Variants in EEFSEC observed in about 807,000 individuals in gnomAD.
The protein encoded by EEFSEC is eukaryotic elongation factor, selenocysteine-tRNA specific, also known as selenocysteine-specific elongation factor.
In EEFSEC, 43 loss-of-function variants were observed where a neutral mutation model predicts 42.1. That is an observed-to-expected ratio of 1.02 (90% CI 0.80 to 1.32). The LOEUF is 1.32. Among genes scored for constraint, EEFSEC ranks in the 40% most tolerant of loss-of-function variants. The pLI is 0.00. For missense variants in EEFSEC, 745 were observed against 803.6 expected, an observed-to-expected ratio of 0.93 and a Z score of 0.88; for synonymous variants, 354 against 339.1, an observed-to-expected ratio of 1.04 and a Z score of -0.48.
intron 6 of EEFSEC, among the ~76,000 whole-genome samples, chr3:128,375,788 G>A (rs544897670): frequency 6.6e-6 from 1 of 152,336 alleles, no homozygotes; most frequent in East Asian, 1.9e-4. Flanking sequence ...TGGGCTGGGA[G>A]GTGCTCCCAA....
At chr3:128,352,348 A>G (rs2067397952) in intron 5 of EEFSEC, among the ~76,000 whole-genome samples, 1 of 152,218 alleles carries the variant, frequency 6.6e-6, no homozygotes, top group Non-Finnish European at 1.5e-5. Context: ...CCTTGCCCCC[A>G]GTACACACAG....
chr3:128,197,363 C>T (rs566226424), intron 1 of EEFSEC, among the ~76,000 whole-genome samples: 35 of 152,260 alleles, frequency 2.3e-4, no homozygotes, highest in African/African-American at 7.2e-4. Context: ...CTCTGCTTTC[C>T]GGGTTCCAGC....
intron 1 of EEFSEC, among the ~76,000 whole-genome samples, chr3:128,189,606 G>A (rs757447107): frequency 8.9e-5 from 13 of 145,896 alleles, no homozygotes; most frequent in Non-Finnish European, 1.9e-4. Flanking sequence ...CTTCCAGGCT[G>A]CAGTGCAGTG....
intron 1 of EEFSEC, among the ~76,000 whole-genome samples, chr3:128,245,330 A>G (rs1460207997): frequency 6.6e-6 from 1 of 152,188 alleles, no homozygotes; most frequent in Admixed American, 6.5e-5. Context: ...CCTGTTTTTA[A>G]TAGTCTGTTC....
intron 1 of EEFSEC, among the ~76,000 whole-genome samples, chr3:128,159,494 A>G (rs1576505726): frequency 6.6e-6 from 1 of 152,164 alleles, no homozygotes; most frequent in East Asian, 1.9e-4. Flanking sequence ...ACAAGTGTTC[A>G]TCAGATCATG....
At chr3:128,233,187 A>G (rs1202859203) in intron 1 of EEFSEC, among the ~76,000 whole-genome samples, 1 of 152,242 alleles carries the variant, frequency 6.6e-6, no homozygotes, top group Non-Finnish European at 1.5e-5. Flanking sequence ...TTCCAGGCTC[A>G]GTGCTTCAGC....
At chr3:128,190,224 A>T (rs2065509240) in intron 1 of EEFSEC, among the ~76,000 whole-genome samples, 1 of 152,200 alleles carries the variant, frequency 6.6e-6, no homozygotes, top group Non-Finnish European at 1.5e-5. Context: ...GTCCTTCAGG[A>T]TGTATCCAGG....
chr3:128,192,778 AC>A (rs1311299053), intron 1 of EEFSEC, among the ~76,000 whole-genome samples: 2 of 151,906 alleles, frequency 1.3e-5, no homozygotes, highest in Non-Finnish European at 2.9e-5. Context: ...GACACCTCCC[AC>A]CCCCAATACT....
At chr3:128,219,187 A>T (rs560297020) in intron 1 of EEFSEC, among the ~76,000 whole-genome samples, 1 of 152,348 alleles carries the variant, frequency 6.6e-6, no homozygotes, top group Non-Finnish European at 1.5e-5. Flanking sequence ...TCCTGGCCCC[A>T]GCCACCTCAT....
the EEFSEC span, among the ~76,000 whole-genome samples, chr3:128,419,899 C>T: frequency 1.3e-5 from 2 of 152,188 alleles, no homozygotes; most frequent in African/African-American, 4.8e-5. Flanking sequence ...CAGACACCCC[C>T]ATGGGGTTTG....
chr3:128,411,568 G>A (rs1349468075), downstream of EEFSEC, among the ~76,000 whole-genome samples: 4 of 152,192 alleles, frequency 2.6e-5, no homozygotes, highest in African/African-American at 7.2e-5. Context: ...TGGGGCAGCA[G>A]TGCCCTGGGC....
intron 4 of EEFSEC, among the ~76,000 whole-genome samples, chr3:128,313,980 C>T (rs1429794066): frequency 2.0e-5 from 3 of 152,322 alleles, no homozygotes; most frequent in East Asian, 3.9e-4. Context: ...ACACCAGGCC[C>T]TACCCAGTGT....
chr3:128,273,460 G>A (rs952632768), intron 4 of EEFSEC, among the ~76,000 whole-genome samples: 7 of 152,226 alleles, frequency 4.6e-5, no homozygotes, highest in Non-Finnish European at 1.0e-4. Context: ...TGCCCCTGCA[G>A]GCCTTTTTCC....
chr3:128,382,052 G>A (rs1380885287), intron 6 of EEFSEC, among the ~76,000 whole-genome samples: 1 of 152,144 alleles, frequency 6.6e-6, no homozygotes, highest in Non-Finnish European at 1.5e-5. Context: ...CTTCCCAGGT[G>A]GCCCCAGGCA....
At chr3:128,181,429 T>C (rs1018239000) in intron 1 of EEFSEC, among the ~76,000 whole-genome samples, 1 of 152,226 alleles carries the variant, frequency 6.6e-6, no homozygotes, top group African/African-American at 2.4e-5. Context: ...CTGAACACTT[T>C]TTTGTGTTTT....
chr3:128,217,970 G>A (rs1218234059), intron 1 of EEFSEC, among the ~76,000 whole-genome samples: 3 of 152,192 alleles, frequency 2.0e-5, no homozygotes, highest in Non-Finnish European at 4.4e-5. Context: ...CAGGCTCAGG[G>A]GGTTAAGGGG....
At chr3:128,238,028 C>T (rs893076460) in intron 1 of EEFSEC, among the ~76,000 whole-genome samples, 1 of 152,188 alleles carries the variant, frequency 6.6e-6, no homozygotes, top group Non-Finnish European at 1.5e-5. Flanking sequence ...TCAGACAGCC[C>T]TTGGTACTAG....
chr3:128,238,643 C>G (rs2066037835), intron 1 of EEFSEC, among the ~76,000 whole-genome samples: 1 of 152,196 alleles, frequency 6.6e-6, no homozygotes, highest in South Asian at 2.1e-4. Context: ...TGCATACCAC[C>G]ATGCCCGGCT....
rs552175705 is a variant in EEFSEC at position 128,230,664 on chromosome 3, A to G, written c.317-16172A>G. On this transcript the variant is annotated intron_variant, in intron 1 of 6. Coordinates refer to ENST00000254730, the MANE Select transcript of EEFSEC (RefSeq NM_021937.5). ...ATGAGCCTCACACTGCTCTGTTTAT[A>G]GTATATGATCCCCATTTTACAGGTA... is the stretch of plus-strand genomic sequence containing the variant. Among the ~76,000 whole-genome samples the G allele has an allele frequency of 2.6e-5, 4 of 152,330 alleles. No individual in the cohort carries two copies. In the East Asian group the frequency reaches 7.7e-4, roughly 29 times the overall value.
Sources: allele counts gnomAD v4.1 joint callset (sites outside exome capture counted in the v4.1 genomes callset), GRCh38; gene constraint gnomAD v4.1.1; transcripts MANE v1.5; gene names NCBI Gene and HGNC (gene_info 2026-07-23, HGNC 2026-07-21).